Variants in CDK6 observed in about 807,000 individuals in gnomAD.
CDK6 encodes cyclin dependent kinase 6.
Under a neutral mutation model 37.1 loss-of-function variants are expected in CDK6, and 6 were observed. The ratio of observed to expected loss-of-function variants is 0.16; its 90% CI spans 0.09 to 0.32. The LOEUF is 0.32. CDK6 is among the 10% of genes least tolerant of loss of function. The pLI is 1.00. For missense variants in CDK6, 224 were observed against 418.9 expected, an observed-to-expected ratio of 0.53 and a Z score of 4.06; for synonymous variants, 160 against 161.3, an observed-to-expected ratio of 0.99 and a Z score of 0.06.
At chr7:92,662,320 G>A (rs1243430131) in intron 5 of CDK6, among the ~76,000 whole-genome samples, 2 of 152,110 alleles carry the variant, frequency 1.3e-5, no homozygotes, top group East Asian at 3.9e-4. Flanking sequence ...GGTTGGGGGT[G>A]TGGAAGTAGG....
chr7:92,787,200 A>AG (rs1318063563), intron 2 of CDK6, among the ~76,000 whole-genome samples: 2 of 151,690 alleles, frequency 1.3e-5, no homozygotes, highest in African/African-American at 2.4e-5. Context: ...AAAAAAAAAA[A>AG]AAAAAAAAAT....
At chr7:92,634,742 G>T (rs1257175039) in intron 5 of CDK6, among the ~76,000 whole-genome samples, 1 of 152,080 alleles carries the variant, frequency 6.6e-6, no homozygotes, top group Non-Finnish European at 1.5e-5. Context: ...CTTGATATGG[G>T]TTCTACACAT....
At chr7:92,641,753 A>G (rs1796310820) in intron 5 of CDK6, among the ~76,000 whole-genome samples, 1 of 152,208 alleles carries the variant, frequency 6.6e-6, no homozygotes, top group South Asian at 2.1e-4. Context: ...TCCACCTGAG[A>G]TGGGAGAGGA....
chr7:92,720,872 A>G (rs930473405), intron 4 of CDK6, among the ~76,000 whole-genome samples: 2 of 152,188 alleles, frequency 1.3e-5, no homozygotes, highest in African/African-American at 4.8e-5. Flanking sequence ...ATTGTACCGA[A>G]CAGGTGTATA....
At chr7:92,713,517 A>G (rs1798149942) in intron 4 of CDK6, among the ~76,000 whole-genome samples, 1 of 152,156 alleles carries the variant, frequency 6.6e-6, no homozygotes, top group Non-Finnish European at 1.5e-5. Context: ...ATATTGATAA[A>G]TTAGTCATTT....
chr7:92,720,835 A>G (rs1412528124), intron 4 of CDK6, among the ~76,000 whole-genome samples: 23 of 152,294 alleles, frequency 1.5e-4, no homozygotes, highest in Admixed American at 3.3e-4. Flanking sequence ...GTGACTCTAA[A>G]TATAGTTTCA....
chr7:92,780,707 G>T (rs945702944), intron 2 of CDK6, among the ~76,000 whole-genome samples: 3 of 149,000 alleles, frequency 2.0e-5, no homozygotes, highest in African/African-American at 7.4e-5. Flanking sequence ...CTTGCAGTGA[G>T]CCGAGACCGT....
chr7:92,627,043 C>A (rs1467008365), intron 5 of CDK6, among the ~76,000 whole-genome samples: 1 of 151,798 alleles, frequency 6.6e-6, no homozygotes, highest in Non-Finnish European at 1.5e-5. Flanking sequence ...TCATAATAGC[C>A]AAAAAGTGGA....
intron 6 of CDK6, among the ~76,000 whole-genome samples, chr7:92,622,536 G>C (rs1057470808): frequency 6.6e-6 from 1 of 152,036 alleles, no homozygotes; most frequent in Non-Finnish European, 1.5e-5. Flanking sequence ...AAAGACTTAG[G>C]GTTCTCATTT....
At chr7:92,728,540 A>G (rs1798566743) in intron 3 of CDK6, among the ~76,000 whole-genome samples, 1 of 152,114 alleles carries the variant, frequency 6.6e-6, no homozygotes, top group South Asian at 2.1e-4. Context: ...ATTATTATTC[A>G]GTTTTAGTTG....
chr7:92,636,917 G>A (rs913272995), intron 5 of CDK6, among the ~76,000 whole-genome samples: 4 of 152,046 alleles, frequency 2.6e-5, no homozygotes, highest in African/African-American at 4.8e-5. Flanking sequence ...TGCCCACCTC[G>A]GCCTCCCAAA....
At chr7:92,693,407 C>G (rs758801338) in intron 4 of CDK6, among the ~76,000 whole-genome samples, 24 of 152,150 alleles carry the variant, frequency 1.6e-4, no homozygotes, top group African/African-American at 2.4e-5. Flanking sequence ...TACCTAGTAG[C>G]AAAGTGGGCT....
intron 3 of CDK6, among the ~76,000 whole-genome samples, chr7:92,730,783 T>C (rs1353047269): frequency 2.0e-5 from 3 of 152,226 alleles, no homozygotes; most frequent in Admixed American, 6.5e-5. Context: ...TGGTGATCCA[T>C]AGATGGGCAC....
intron 3 of CDK6, among the ~76,000 whole-genome samples, chr7:92,737,002 T>C (rs1289164016): frequency 6.6e-6 from 1 of 152,222 alleles, no homozygotes; most frequent in Non-Finnish European, 1.5e-5. Context: ...ATCTTGGGCC[T>C]GTTATTTAAT....
chr7:92,631,576 T>C (rs1164100133), intron 5 of CDK6, among the ~76,000 whole-genome samples: 15 of 152,200 alleles, frequency 9.9e-5, no homozygotes, highest in Admixed American at 9.8e-4. Flanking sequence ...AATGACTTCG[T>C]AAAACTATAC....
intron 4 of CDK6, among the ~76,000 whole-genome samples, chr7:92,694,671 G>A (rs1156421999): frequency 6.6e-6 from 1 of 152,190 alleles, no homozygotes; most frequent in Admixed American, 6.5e-5. Context: ...GGGAGAGGCT[G>A]TTGTCTGTCT....
At chr7:92,771,808 T>C (rs1042125317) in intron 3 of CDK6, among the ~76,000 whole-genome samples, 68 of 152,306 alleles carry the variant, frequency 4.5e-4, no homozygotes, top group African/African-American at 1.6e-3. Flanking sequence ...GTGTTCCCAA[T>C]AGGTTGTTCA....
chr7:92,652,857 C>T (rs1796606770), intron 5 of CDK6, among the ~76,000 whole-genome samples: 1 of 152,212 alleles, frequency 6.6e-6, no homozygotes, highest in Non-Finnish European at 1.5e-5. Context: ...ATATCCTTCT[C>T]AGCTCAGGTA....
intron 5 of CDK6, among the ~76,000 whole-genome samples, chr7:92,659,844 T>C (rs975116885): frequency 6.6e-6 from 1 of 152,170 alleles, no homozygotes; most frequent in African/African-American, 2.4e-5. Flanking sequence ...GGAGTGAATC[T>C]TGGACATCAT....
Sources: gnomAD v4.1 joint callset for allele counts (sites outside exome capture counted in the v4.1 genomes callset) on GRCh38, gnomAD v4.1.1 for gene constraint, MANE v1.5 for transcripts, NCBI Gene and HGNC (gene_info 2026-07-23, HGNC 2026-07-21) for gene names.